WDFY4: variants seen among roughly 807,000 people sequenced by gnomAD.
WDFY4 encodes WDFY family member 4.
Under a neutral mutation model 351.9 loss-of-function variants are expected in WDFY4, and 169 were observed. That is an observed-to-expected ratio of 0.48 (90% CI 0.42 to 0.55). WDFY4 has a LOEUF of 0.55. WDFY4 is among the 20% of genes least tolerant of loss of function. WDFY4 has a pLI of 0.00. For synonymous variants in WDFY4, 1,622 were observed against 1,574.6 expected, an observed-to-expected ratio of 1.03 and a Z score of -0.71; for missense variants, 3,803 against 3,935.6, an observed-to-expected ratio of 0.97 and a Z score of 0.90.
chr10:48,782,357 C>T (rs958013583), intron 19 of WDFY4, among the ~76,000 whole-genome samples: 1 of 152,186 alleles, frequency 6.6e-6, no homozygotes, highest in Non-Finnish European at 1.5e-5. Flanking sequence ...TTGAACTTGG[C>T]GCAGGGGCTG....
chr10:48,785,945 A>G (rs1410010236), intron 19 of WDFY4, among the ~76,000 whole-genome samples: 1 of 152,224 alleles, frequency 6.6e-6, no homozygotes, highest in East Asian at 1.9e-4. Context: ...TCGAGGGGAA[A>G]TAATATCTTT....
At chr10:48,788,498 G>A in intron 20 of WDFY4, 32 bp from the exon 21 acceptor site, 5 of 1,545,640 alleles carry the variant, frequency 3.2e-6, no homozygotes, top group Admixed American at 2.0e-5. Flanking sequence ...TGTAAAGTTA[G>A]ACTAGAAATG....
intron 19 of WDFY4, among the ~76,000 whole-genome samples, chr10:48,781,245 T>C (rs2066212684): frequency 6.6e-6 from 1 of 151,638 alleles, no homozygotes; most frequent in African/African-American, 2.4e-5. Flanking sequence ...TGTGTGTGTG[T>C]ATATATATAT....
chr10:48,871,409 C>CA (rs1249321004), intron 40 of WDFY4, among the ~76,000 whole-genome samples: 1 of 151,856 alleles, frequency 6.6e-6, no homozygotes. Context: ...TCTATGTGAC[C>CA]AAGTCTCTGT....
intron 39 of WDFY4, among the ~76,000 whole-genome samples, chr10:48,852,813 T>C (rs1475553495): frequency 1.3e-5 from 2 of 152,228 alleles, no homozygotes; most frequent in Non-Finnish European, 2.9e-5. Context: ...TCTTCCCCTG[T>C]AGAACCTGAA....
intron 51 of WDFY4, among the ~76,000 whole-genome samples, chr10:48,956,681 C>A (rs996360977): frequency 6.6e-6 from 1 of 152,204 alleles, no homozygotes; most frequent in Non-Finnish European, 1.5e-5. Flanking sequence ...TCACCCACTT[C>A]TTTGTCCTAT....
At chr10:48,721,511 G>A in intron 4 of WDFY4, 144 bp downstream of exon 4, 2 of 753,948 alleles carry the variant, frequency 2.7e-6, no homozygotes, top group Middle Eastern at 2.4e-4. Flanking sequence ...CTCCCCTTCT[G>A]GTGTAGAACA....
intron 59 of WDFY4, 111 bp from the exon 60 acceptor site, chr10:48,978,198 T>C: frequency 9.8e-7 from 1 of 1,022,374 alleles, no homozygotes. Context: ...GGGGGCCATG[T>C]GTTCATCCTT....
At chr10:48,714,256 T>C (rs2063839042) in intron 2 of WDFY4, among the ~76,000 whole-genome samples, 1 of 152,226 alleles carries the variant, frequency 6.6e-6, no homozygotes, top group South Asian at 2.1e-4. Context: ...AAAGCAGGTC[T>C]GGTTTGTCTT....
intron 43 of WDFY4, among the ~76,000 whole-genome samples, chr10:48,879,300 C>T (rs2070152857): frequency 1.3e-5 from 2 of 152,300 alleles, no homozygotes; most frequent in Middle Eastern, 3.4e-3. Context: ...CTCCTGGTGT[C>T]TAGTGGGCAG....
At chr10:48,695,052 C>T (rs916685637) in intron 1 of WDFY4, among the ~76,000 whole-genome samples, 1 of 152,224 alleles carries the variant, frequency 6.6e-6, no homozygotes, top group Non-Finnish European at 1.5e-5. Flanking sequence ...ACCCACTACA[C>T]GGAACATGCC....
At chr10:48,955,907 CAGA>C (rs1319828547) in intron 51 of WDFY4, among the ~76,000 whole-genome samples, 5 of 152,056 alleles carry the variant, frequency 3.3e-5, no homozygotes, top group Admixed American at 1.3e-4. Context: ...CAGAAGATGG[CAGA>C]AGGAGGACAA....
At chr10:48,789,792 G>A in intron 21 of WDFY4, 82 bp from the exon 22 acceptor site, 2 of 1,339,674 alleles carry the variant, frequency 1.5e-6, no homozygotes, top group Admixed American at 2.0e-5. Flanking sequence ...AGGCCCCAGA[G>A]GGCCTGCCCT....
chr10:48,766,114 T>C (rs2065662223), intron 13 of WDFY4, among the ~76,000 whole-genome samples: 1 of 151,852 alleles, frequency 6.6e-6, no homozygotes, highest in Non-Finnish European at 1.5e-5. Flanking sequence ...AACAAGGAAA[T>C]TGGTAAAGTA....
chr10:48,813,198 A>C (rs967676951), intron 30 of WDFY4, among the ~76,000 whole-genome samples: 4 of 152,178 alleles, frequency 2.6e-5, no homozygotes, highest in Non-Finnish European at 5.9e-5. Context: ...GAAATATGGG[A>C]GGGGCGTGGC....
chr10:48,781,894 A>T (rs1292246030), intron 19 of WDFY4, among the ~76,000 whole-genome samples: 5 of 152,244 alleles, frequency 3.3e-5, no homozygotes, highest in Admixed American at 2.6e-4. Context: ...AGGAACATAC[A>T]TATAGTATAA....
chr10:48,825,136 AGT>A (rs2067952074), intron 35 of WDFY4, among the ~76,000 whole-genome samples: 1 of 152,042 alleles, frequency 6.6e-6, no homozygotes, highest in South Asian at 2.1e-4. Context: ...GACAGGCCCC[AGT>A]GTGTGTTGTT....
chr10:48,799,346 GA>G (rs2066978328), intron 24 of WDFY4, among the ~76,000 whole-genome samples: 1 of 147,422 alleles, frequency 6.8e-6, no homozygotes, highest in South Asian at 2.1e-4. Flanking sequence ...TTCAAAAAGG[GA>G]AAAATGTTTC....
intron 1 of WDFY4, among the ~76,000 whole-genome samples, chr10:48,695,121 G>A (rs1007416525): frequency 6.6e-6 from 1 of 152,240 alleles, no homozygotes; most frequent in African/African-American, 2.4e-5. Flanking sequence ...CACTGAGTGT[G>A]CTGGTATCTG....
Sources: allele counts gnomAD v4.1 joint callset (sites outside exome capture counted in the v4.1 genomes callset), GRCh38; gene constraint gnomAD v4.1.1; transcripts MANE v1.5; gene names NCBI Gene and HGNC (gene_info 2026-07-23, HGNC 2026-07-21).